Variants in TMEM131 observed in about 807,000 individuals in gnomAD.
The protein encoded by TMEM131 is 2610524E03Rik.
TMEM131 carries 66 observed loss-of-function variants against 211.6 expected under a neutral mutation model. That is an observed-to-expected ratio of 0.31 (90% CI 0.26 to 0.38). The LOEUF is 0.38. Among genes scored for constraint, TMEM131 ranks in the 10% least tolerant of loss-of-function variants. The probability of loss-of-function intolerance (pLI) is 1.00; values close to 1 mark genes in which losing one functional copy is unlikely to be tolerated. For missense variants in TMEM131, 2,036 were observed against 2,299.3 expected (o/e 0.89, Z 2.34); for synonymous variants, 844 against 841.3 (o/e 1.00, Z -0.06).
At chr2:97,866,863 C>G (rs1336822367) in intron 4 of TMEM131, among the ~76,000 whole-genome samples, 1 of 152,122 alleles carries the variant, frequency 6.6e-6, no homozygotes, top group African/African-American at 2.4e-5. Context: ...ACCTGAAATG[C>G]TTGGAACCAT....
chr2:97,784,047 C>T (rs1400497208), intron 31 of TMEM131, among the ~76,000 whole-genome samples: 2 of 151,738 alleles, frequency 1.3e-5, no homozygotes, highest in Non-Finnish European at 2.9e-5. Flanking sequence ...CAAGAAGTTA[C>T]AGCAATGTTA....
chr2:97,933,780 C>G (rs190097814), intron 1 of TMEM131, among the ~76,000 whole-genome samples: 1 of 152,236 alleles, frequency 6.6e-6, no homozygotes, highest in Admixed American at 6.5e-5. Context: ...ACCCCATCAA[C>G]AGGCTAAAGA....
intron 36 of TMEM131, 113 bp downstream of exon 36, chr2:97,761,922 G>T: frequency 8.0e-7 from 1 of 1,246,124 alleles, no homozygotes; most frequent in Non-Finnish European, 1.1e-6. Context: ...GCAGCCATCA[G>T]AAGTAACACC....
At chr2:97,897,553 T>G (rs1675665164) in intron 3 of TMEM131, among the ~76,000 whole-genome samples, 1 of 152,138 alleles carries the variant, frequency 6.6e-6, no homozygotes, top group Non-Finnish European at 1.5e-5. Flanking sequence ...CAAGAAAAAT[T>G]ATATTGTTTT....
chr2:97,902,095 T>A (rs912828301), intron 3 of TMEM131, among the ~76,000 whole-genome samples: 2 of 151,834 alleles, frequency 1.3e-5, no homozygotes, highest in East Asian at 1.9e-4. Flanking sequence ...TAAAAAAAAA[T>A]TTTAAAGTAG....
intron 11 of TMEM131, among the ~76,000 whole-genome samples, chr2:97,829,962 T>G (rs1035278210): frequency 6.6e-6 from 1 of 151,678 alleles, no homozygotes; most frequent in African/African-American, 2.4e-5. Flanking sequence ...TTTAAAATAG[T>G]TGATGAAATT....
At chr2:97,880,691 T>C (rs1674889529) in intron 4 of TMEM131, among the ~76,000 whole-genome samples, 3 of 151,842 alleles carry the variant, frequency 2.0e-5, no homozygotes, top group South Asian at 4.2e-4. Context: ...TGGAGACACA[T>C]GGTAAGTGAG....
chr2:97,842,964 A>G (rs1432097179), intron 6 of TMEM131, among the ~76,000 whole-genome samples: 1 of 152,076 alleles, frequency 6.6e-6, no homozygotes, highest in Non-Finnish European at 1.5e-5. Flanking sequence ...CTCACCATAC[A>G]TAAGCAGAAG....
chr2:97,896,216 T>A (rs1226793258), intron 3 of TMEM131, among the ~76,000 whole-genome samples: 2 of 152,220 alleles, frequency 1.3e-5, no homozygotes, highest in African/African-American at 4.8e-5. Flanking sequence ...TTGATTGCAC[T>A]GTGATCTGAG....
In TMEM131 at chr2:97,911,563, A is replaced by G. The variant is rs919635117; in HGVS notation, c.250-2865T>C. 9.5e-6 allele frequency: 9 copies of G among 945,800 alleles called. No individual in the cohort carries two copies. The African/African-American group carries it at 1.6e-4, about 17-fold the overall frequency. The allele number at this position is 945,800 out of a possible 1,614,324, so 58.6% of individuals were successfully genotyped here. On this transcript the variant is annotated intron_variant, in intron 2 of 40. Transcript: ENST00000186436. Reference sequence around the variant, plus strand: ...CACTCATGTGCACTTTCTTGAGGAGAAAAAAATTATCATGAAGACAGAATC... The same window carrying G: ...CACTCATGTGCACTTTCTTGAGGAGGAAAAAATTATCATGAAGACAGAATC...
intron 1 of TMEM131, among the ~76,000 whole-genome samples, chr2:97,942,965 A>G (rs1205630436): frequency 1.4e-5 from 2 of 144,298 alleles, no homozygotes; most frequent in Non-Finnish European, 3.0e-5. Context: ...CTACAAAAAA[A>G]AAGAAAGAAA....
chr2:97,920,654 T>C lies in TMEM131; in HGVS notation c.249+6772A>G, dbSNP rs981705795. Reference sequence around the variant, plus strand: ...TTTCTACATTTTATGTTGAGTCGTATGAAATTGCCACTTTTATAGATCAAT... The same window carrying C: ...TTTCTACATTTTATGTTGAGTCGTACGAAATTGCCACTTTTATAGATCAAT... On this transcript the variant is annotated intron_variant, in intron 2 of 40. Coordinates refer to ENST00000186436, the MANE Select transcript of TMEM131 (RefSeq NM_015348.2). 7.9e-5 allele frequency among the ~76,000 whole-genome samples: 12 copies of C among 152,300 alleles called. No homozygotes were observed. In the East Asian group the frequency reaches 1.9e-3, roughly 25 times the overall value.
Position 97,909,557 on chromosome 2 carries a change from A to G in TMEM131, c.250-859T>C, listed in dbSNP as rs550949593. Among the ~76,000 whole-genome samples the G allele has an allele frequency of 1.2e-4, 18 of 152,340 alleles. No homozygotes were observed. In the South Asian group the frequency reaches 1.2e-3, roughly 11 times the overall value. On this transcript the variant is annotated intron_variant, in intron 2 of 40. Transcript: ENST00000186436. ...CTTATTGATGTACGAGAAAATGCCA[A>G]TGCTATAAGGAATACCATCAGTGAA...
chr2:97,989,277 C>CA (rs768850056), intron 1 of TMEM131, among the ~76,000 whole-genome samples: 11,849 of 103,774 alleles, frequency 0.11, 516 homozygotes, highest in Middle Eastern at 0.16. Context: ...AAAAACAAAA[C>CA]AAAAAAAAAA....
intron 31 of TMEM131, among the ~76,000 whole-genome samples, chr2:97,781,129 C>A (rs573483958): frequency 3.3e-5 from 5 of 152,304 alleles, no homozygotes; most frequent in African/African-American, 1.2e-4. Context: ...TGCCCCTTTC[C>A]AGGCTCCCGG....
chr2:97,987,617 TTTTTTC>T, intron 1 of TMEM131, among the ~76,000 whole-genome samples: 1 of 152,212 alleles, frequency 6.6e-6, no homozygotes, highest in African/African-American at 2.4e-5. Flanking sequence ...GTACGCAGCA[TTTTTTC>T]TTGTTTCAAA....
intron 1 of TMEM131, among the ~76,000 whole-genome samples, chr2:97,940,074 T>C (rs192479316): frequency 1.7e-4 from 26 of 152,222 alleles, no homozygotes; most frequent in Admixed American, 3.3e-4. Flanking sequence ...TCATACCGAA[T>C]AGACAAAAAT....
chr2:97,802,753 T>C lies in TMEM131; in HGVS notation c.2440A>G (p.Lys814Glu). The C allele has an allele frequency of 1.9e-6, 3 of 1,573,864 alleles. No homozygotes were observed. The highest frequency in any genetic ancestry group is 2.6e-6 in the Non-Finnish European group (3 of 1,165,454). ...AIFEVNTDLQKNIISKITAEL... is the reference protein window; with the variant it reads ...AIFEVNTDLQENIISKITAEL... ...GCAGTGATTTTTGATATTATATTTT[T>C]TTGAAGGTCTGTATTTACTTCAAAT... Residue 814 changes from lysine to glutamate, a missense_variant, in exon 23 of 41, where the codon AAA becomes GAA. Lys to Glu is a moderately conservative substitution (Grantham distance 56). Around this residue, in one of 3 missense-constraint regions of TMEM131, gnomAD observed 1,623 missense variants for 1,805.9 expected, o/e 0.90. Transcript: ENST00000186436.
intron 1 of TMEM131, among the ~76,000 whole-genome samples, chr2:97,972,728 T>C (rs1193426584): frequency 6.6e-6 from 1 of 152,144 alleles, no homozygotes; most frequent in Non-Finnish European, 1.5e-5. Flanking sequence ...CTGGGTTACC[T>C]AGGTGGGCCC....
Sources: allele counts gnomAD v4.1 joint callset (sites outside exome capture counted in the v4.1 genomes callset), GRCh38; gene constraint gnomAD v4.1.1; regional missense constraint gnomAD v4.1.1; transcripts MANE v1.5; gene names NCBI Gene and HGNC (gene_info 2026-07-23, HGNC 2026-07-21).